CTSH: variants seen among roughly 807,000 people sequenced by gnomAD.
CTSH encodes cathepsin H.
Under a neutral mutation model 56.3 loss-of-function variants are expected in CTSH, and 52 were observed. The ratio of observed to expected loss-of-function variants is 0.92; its 90% confidence interval spans 0.74 to 1.16. The LOEUF (loss-of-function observed/expected upper bound fraction) is 1.16, where lower values mean the gene tolerates loss of function less well. CTSH is among the 50% of genes most tolerant of loss of function. CTSH has a pLI of 0.00. For synonymous variants in CTSH, 174 were observed against 155.7 expected (o/e 1.12, Z -0.88); for missense variants, 406 against 424.5 (o/e 0.96, Z 0.38).
chr15:78,944,713 G>T, intron 1 of CTSH, 178 bp downstream of exon 1: 3 of 1,224,334 alleles, frequency 2.5e-6, no homozygotes, highest in South Asian at 2.2e-5. Flanking sequence ...CACCCTCCGA[G>T]AACCCCCGCC....
intron 1 of CTSH, among the ~76,000 whole-genome samples, chr15:78,941,422 T>TTA (rs2055286759): frequency 2.1e-5 from 1 of 48,436 alleles, no homozygotes; most frequent in African/African-American, 1.1e-4. Context: ...AGACTCTGTC[T>TTA]AAAAAAAAAA....
At chr15:78,943,473 G>A (rs189863112) in intron 1 of CTSH, among the ~76,000 whole-genome samples, 46 of 152,230 alleles carry the variant, frequency 3.0e-4, no homozygotes, top group Admixed American at 1.9e-3. Context: ...AAAGTGATCC[G>A]ACTGCCTCGG....
Position 78,944,928 on chromosome 15 carries a change from G to C in CTSH, c.54C>G (p.Pro18=). 1 of 1,548,438 alleles carries C rather than the reference G, an allele frequency of 6.5e-7. No individual in the cohort carries two copies. The highest frequency in any genetic ancestry group is 8.7e-7 in the Non-Finnish European group (1 of 1,146,046). Residue 18 remains proline (P), a synonymous_variant, in exon 1 of 12, where the codon CCC becomes CCG. Transcript: ENST00000220166. ...CGCACAGTTCGGCGGCACCGCAGAC[G>C]GGGACTCCCAGGAGCCAGGCCCCGG... ...LCAGAWLLGV[P]VCGAAELCVN...
Position 78,935,695 on chromosome 15 carries a change from G to C in CTSH, c.285C>G (p.Leu95=). The C allele has an allele frequency of 1.2e-6, 2 of 1,611,048 alleles. No individual in the cohort carries two copies. Among genetic ancestry groups the C allele is most frequent in the Non-Finnish European group, 1.7e-6 (2 of 1,177,402 alleles). The change falls in exon 4 of 12, where the codon CTC becomes CTG. Residue 95 remains leucine (L), a synonymous_variant. Transcript: ENST00000220166. ...MSFAEIKHKY[L]WSEPQNCSAT... Reference sequence around the variant, plus strand: ...TTATACCTACCTGAGGCTCTGACCAGAGATACTTGTGTTTTATTTCAGCAA... The same window carrying C: ...TTATACCTACCTGAGGCTCTGACCACAGATACTTGTGTTTTATTTCAGCAA...
intron 6 of CTSH, chr15:78,932,049 G>T: frequency 2.5e-6 from 3 of 1,218,738 alleles, no homozygotes; most frequent in Non-Finnish European, 3.1e-6. Flanking sequence ...CTGCTGGGAA[G>T]GGTGTAGCTC....
At position 78,931,479 on chromosome 15, in the gene CTSH, G is replaced by A. The variant is rs773652589; in HGVS notation, c.520C>T (p.Gln174Ter). The change falls in exon 7 of 12, where the codon CAG (glutamine) becomes TAG (stop). Residue 174 changes from glutamine (Q) to a stop codon, truncating the protein, a stop_gained. Transcript: ENST00000220166. LOFTEE classifies it high-confidence loss of function. ...LAEQQLVDCA[Q>*]DFNNHGCQGG... is the part of the protein sequence containing the mutation. ...TGGCAGCCGTGATTATTGAAGTCCT[G>A]GGCGCAGTCCACCAGCTGCTGTTCC... 22 of 1,614,200 alleles carry A rather than the reference G, an allele frequency of 1.4e-5. No individual in the cohort carries two copies. The South Asian group carries it at 2.1e-4, about 15-fold the overall frequency.
chr15:78,928,422 T>C lies in CTSH; in HGVS notation c.631-641A>G, dbSNP rs61037295. Among the ~76,000 whole-genome samples, 212 of 123,778 alleles carry C rather than the reference T, an allele frequency of 1.7e-3. 24 individuals carry two copies. Among genetic ancestry groups the C allele is most frequent in the East Asian group, 9.3e-3 (27 of 2,904 alleles). 81.2% of individuals were successfully genotyped at this position (123,778 alleles called of 152,430 possible). Reference sequence around the variant, plus strand: ...TCTACTAAAAATATAAAAAGTTAGCTGGGCGTGGTGGCGGGTGCCTGTACT... The same window carrying C: ...TCTACTAAAAATATAAAAAGTTAGCCGGGCGTGGTGGCGGGTGCCTGTACT... On this transcript the variant is annotated intron_variant, in intron 8 of 11. Transcript: ENST00000220166.
rs1457185360 is a variant in CTSH, at chr15:78,937,213, G to A, written c.229+105C>T. The A allele has an allele frequency of 2.5e-5, 21 of 847,624 alleles. 1 individual carries two copies. The highest frequency in any genetic ancestry group is 3.5e-5 in the Non-Finnish European group (18 of 510,860). 52.5% of individuals were successfully genotyped at this position (847,624 alleles called of 1,614,324 possible). A position where few individuals can be genotyped will look rare whatever the true frequency, so the allele number is the denominator to read the frequency against. On this transcript the variant is annotated intron_variant, in intron 3 of 11. Coordinates refer to ENST00000220166, the MANE Select transcript of CTSH (RefSeq NM_004390.5). Reference sequence around the variant, plus strand: ...GAGGTCAGCCAAACACAGCTTCAGAGCCTGGGCTTCTGCTCCCTCCACCCA... The same window carrying A: ...GAGGTCAGCCAAACACAGCTTCAGAACCTGGGCTTCTGCTCCCTCCACCCA...
At chr15:78,922,246 C>T (rs2054786893) in intron 11 of CTSH, 41 bp from the exon 12 acceptor site, 5 of 1,487,728 alleles carry the variant, frequency 3.4e-6, no homozygotes, top group African/African-American at 1.4e-5. Flanking sequence ...GGCGGTCTCC[C>T]CACCACAGGC....
chr15:78,921,941 A>C lies in CTSH; in HGVS notation c.*189T>G. The C allele has an allele frequency of 1.7e-6, 1 of 596,632 alleles. No individual in the cohort carries two copies. Among genetic ancestry groups the C allele is most frequent in the Middle Eastern group, 4.4e-4 (1 of 2,264 alleles). 37.0% of individuals were successfully genotyped at this position (596,632 alleles called of 1,614,324 possible). ...ACATGGCTGGTGATCTTTGCGTCATAGACACGGGTGAGCTCATGGTGGAAC... is the reference window on the plus strand; with the variant it reads ...ACATGGCTGGTGATCTTTGCGTCATCGACACGGGTGAGCTCATGGTGGAAC... On this transcript the variant is annotated 3_prime_UTR_variant, in exon 12 of 12. Transcript: ENST00000220166.
intron 9 of CTSH, chr15:78,926,990 G>A (rs3784540): frequency 0.11 from 16,867 of 152,210 alleles, 1,018 homozygotes; most frequent in East Asian, 0.26. Context: ...ATTCGTGGGC[G>A]CACACACAAC....
At chr15:78,928,364 A>C (rs2054962778) in intron 8 of CTSH, among the ~76,000 whole-genome samples, 1 of 126,082 alleles carries the variant, frequency 7.9e-6, no homozygotes, top group Non-Finnish European at 1.8e-5. Context: ...CAGGAGTTCA[A>C]TACCAGTCTG....
At chr15:78,932,255 T>C (rs1165169912) in intron 6 of CTSH, 117 bp downstream of exon 6, 2 of 928,260 alleles carry the variant, frequency 2.2e-6, no homozygotes, top group East Asian at 2.5e-5. Context: ...CTGGGGCATC[T>C]GGGTCCACCT....
chr15:78,934,614 G>A (rs951789752), intron 5 of CTSH, among the ~76,000 whole-genome samples: 1 of 152,236 alleles, frequency 6.6e-6, no homozygotes, highest in Non-Finnish European at 1.5e-5. Context: ...CTGGTGGCTC[G>A]GAGAAGATGG....
At chr15:78,931,759 T>C in intron 6 of CTSH, 1 of 1,412,210 alleles carries the variant, frequency 7.1e-7, no homozygotes. Context: ...GCAAGGGCTG[T>C]TGGGTCCAAA....
At chr15:78,939,572 C>T (rs1036417049) in intron 1 of CTSH, among the ~76,000 whole-genome samples, 6 of 152,150 alleles carry the variant, frequency 3.9e-5, no homozygotes, top group African/African-American at 7.2e-5. Context: ...AGTTATATTT[C>T]GGTAAGAAGT....
At position 78,921,415 on chromosome 15, in the gene CTSH, CAT is replaced by C. The variant is rs947560663; in HGVS notation, c.*713_*714del. 6 of 152,190 alleles carry C rather than the reference CAT, an allele frequency of 3.9e-5. No individual in the cohort carries two copies. The highest frequency in any genetic ancestry group is 1.5e-4 in the African/African-American group (6 of 41,372). The allele number at this position is 152,190 out of a possible 1,614,324, so 9.4% of individuals were successfully genotyped here. ...TTGGTGAGGAAGGGGTGGGCAGTCT[CAT>C]GTGGAGGTGGGGGGCAGAGTCTGAG... On this transcript the variant is annotated 3_prime_UTR_variant, in exon 12 of 12. Transcript: ENST00000220166.
intron 10 of CTSH, 121 bp from the exon 11 acceptor site, chr15:78,923,239 C>CA: frequency 9.5e-7 from 1 of 1,048,662 alleles, no homozygotes; most frequent in East Asian, 2.5e-5. Flanking sequence ...ACCAGGGAGG[C>CA]ATGTAAGGTG....
rs560363709 is a variant in CTSH, at chr15:78,935,904, T to C, written c.230-154A>G. ...AGTTTTTGTATTTAATATAATTCAGTAGATAATTCAATCAGCCCTTACAGT... is the reference window on the plus strand; with the variant it reads ...AGTTTTTGTATTTAATATAATTCAGCAGATAATTCAATCAGCCCTTACAGT... On this transcript the variant is annotated intron_variant, in intron 3 of 11. Transcript: ENST00000220166. Among the ~76,000 whole-genome samples the C allele has an allele frequency of 1.9e-4, 29 of 152,362 alleles. No homozygotes were observed. The South Asian group carries it at 2.1e-3, about 11-fold the overall frequency.
Sources: allele counts gnomAD v4.1 joint callset (sites outside exome capture counted in the v4.1 genomes callset), GRCh38; gene constraint gnomAD v4.1.1; transcripts MANE v1.5; gene names NCBI Gene and HGNC (gene_info 2026-07-23, HGNC 2026-07-21).